The following RYR3 variants were observed in gnomAD, a reference collection of about 807,000 sequenced individuals.
The protein encoded by RYR3 is brain ryanodine receptor-calcium release channel.
In RYR3, 207 loss-of-function variants were observed where a neutral mutation model predicts 584.3. That is an observed-to-expected ratio of 0.35 (90% CI 0.32 to 0.40). The LOEUF is 0.40. Ranked by LOEUF, RYR3 falls within the 10% of genes least tolerant of loss-of-function variation. The probability of loss-of-function intolerance (pLI) is 1.00; values close to 1 mark genes in which losing one functional copy is unlikely to be tolerated. For synonymous variants in RYR3, 2,416 were observed against 2,248.5 expected (o/e 1.07, Z -2.11); for missense variants, 5,616 against 6,089.2 (o/e 0.92, Z 2.59).
intron 16 of RYR3, among the ~76,000 whole-genome samples, chr15:33,590,975 A>G (rs764345931): frequency 4.6e-5 from 7 of 152,184 alleles, no homozygotes; most frequent in Non-Finnish European, 1.0e-4. Context: ...GCATGATCAG[A>G]TTTGAGGTCA....
At chr15:33,570,053 G>A (rs564297601) in intron 12 of RYR3, among the ~76,000 whole-genome samples, 1 of 151,916 alleles carries the variant, frequency 6.6e-6, no homozygotes, top group East Asian at 1.9e-4. Context: ...TTTAAATGGT[G>A]TCTTTTGAAG....
At chr15:33,860,133 G>T (rs2080179916) in intron 100 of RYR3, among the ~76,000 whole-genome samples, 1 of 152,188 alleles carries the variant, frequency 6.6e-6, no homozygotes, top group Non-Finnish European at 1.5e-5. Context: ...TCAACAGCTT[G>T]TCAAGATTGG....
intron 62 of RYR3, 78 bp from the exon 63 acceptor site, chr15:33,771,842 T>C (rs1429754): frequency 1 from 969,888 of 970,146 alleles, 484,816 homozygotes; most frequent in Middle Eastern, 1. Flanking sequence ...TCTGCCCAGA[T>C]GACACTGCCA....
chr15:33,461,906 G>A (rs1177049810), intron 1 of RYR3, among the ~76,000 whole-genome samples: 1 of 152,208 alleles, frequency 6.6e-6, no homozygotes, highest in Non-Finnish European at 1.5e-5. Context: ...GAAGGTGGAT[G>A]CCATGCCTGC....
At chr15:33,628,635 T>G in intron 21 of RYR3, 60 bp downstream of exon 21, 3 of 1,044,438 alleles carry the variant, frequency 2.9e-6, no homozygotes, top group Non-Finnish European at 4.5e-6. Flanking sequence ...CCTGGAACTG[T>G]TCTTCCTGCT....
intron 19 of RYR3, among the ~76,000 whole-genome samples, chr15:33,618,305 G>A (rs908677054): frequency 3.3e-5 from 5 of 152,322 alleles, no homozygotes; most frequent in African/African-American, 1.2e-4. Context: ...CAAAGATGTT[G>A]TATTTGTGGT....
At chr15:33,854,707 T>C in intron 97 of RYR3, 59 bp from the exon 98 acceptor site, 1 of 1,542,156 alleles carries the variant, frequency 6.5e-7, no homozygotes, top group South Asian at 1.3e-5. Flanking sequence ...AAAAAATGTT[T>C]TATAATGAGC....
At chr15:33,819,454 T>G (rs901089468) in intron 76 of RYR3, among the ~76,000 whole-genome samples, 8 of 152,028 alleles carry the variant, frequency 5.3e-5, no homozygotes, top group Non-Finnish European at 1.5e-5. Flanking sequence ...GGCAGATCAC[T>G]TGAGGTCAGG....
chr15:33,690,561 A>G (rs1172321654), intron 38 of RYR3, among the ~76,000 whole-genome samples: 1 of 152,226 alleles, frequency 6.6e-6, no homozygotes, highest in Non-Finnish European at 1.5e-5. Context: ...AAACATGGAA[A>G]GCTTCCTCAT....
In RYR3 at chr15:33,738,473, G is replaced by C. The variant is rs767525734; in HGVS notation, c.7539G>C (p.Gln2513His). 1 of 1,613,744 alleles carries C rather than the reference G, an allele frequency of 6.2e-7. No homozygotes were observed. The highest frequency in any genetic ancestry group is 1.3e-5 in the African/African-American group (1 of 74,928). Residue 2513 changes from glutamine (Q) to histidine (H), a missense_variant, in exon 50 of 104, where the codon CAG becomes CAC. By Grantham distance (24) the Gln-to-His change is conservative. Coordinates refer to ENST00000634891, the MANE Select transcript of RYR3 (RefSeq NM_001036.6). ...PLKLLTNHYE[Q>H]CWKYYCLPSG... ...AGCTTCTGACGAATCACTATGAACA[G>C]TGTTGGAAGTATTACTGCCTGCCTT...
At chr15:33,558,366 A>C (rs12903555) in intron 10 of RYR3, among the ~76,000 whole-genome samples, 7 of 148,592 alleles carry the variant, frequency 4.7e-5, no homozygotes, top group Non-Finnish European at 1.0e-4. Context: ...TTGTCCTTGC[A>C]ATAGTTTGCT....
rs185960800 is a variant in RYR3 at position 33,731,756 on chromosome 15, T to C, written c.7424+62T>C. 345 of 1,177,444 alleles carry C rather than the reference T, an allele frequency of 2.9e-4. 1 individual carries two copies. Among genetic ancestry groups the C allele is most frequent in the Non-Finnish European group, 1.9e-4 (155 of 802,688 alleles). 72.9% of individuals were successfully genotyped at this position (1,177,444 alleles called of 1,614,324 possible). On this transcript the variant is annotated intron_variant, in intron 48 of 103. Transcript: ENST00000634891. Reference sequence around the variant, plus strand: ...CATCCAGGTCAACTGCATTTTCCTATGTAATCTAAAAACTGGTGGTCTAGT... The same window carrying C: ...CATCCAGGTCAACTGCATTTTCCTACGTAATCTAAAAACTGGTGGTCTAGT...
intron 1 of RYR3, among the ~76,000 whole-genome samples, chr15:33,356,175 G>C (rs145870484): frequency 6.6e-6 from 1 of 152,124 alleles, no homozygotes; most frequent in South Asian, 2.1e-4. Flanking sequence ...GAGAAGGTCC[G>C]TGTTAGTCTT....
Position 33,726,440 on chromosome 15 carries a change from C to T in RYR3, c.6967C>T (p.Leu2323=). The T allele has an allele frequency of 6.2e-7, 1 of 1,611,260 alleles. No homozygotes were observed. The highest frequency in any genetic ancestry group is 8.5e-7 in the Non-Finnish European group (1 of 1,178,752). The stretch of plus-strand genomic sequence containing the variant: ...CCGCATCAGGTCCATCCTGCGCTCC[C>T]TGGTCCCCACAGAAGACCTGGTTGG... The part of the protein sequence containing the change: ...AIRIRSILRS[L]VPTEDLVGII... The change falls in exon 46 of 104, where the codon CTG becomes TTG. Residue 2323 remains leucine, a synonymous_variant. Transcript: ENST00000634891.
intron 27 of RYR3, among the ~76,000 whole-genome samples, 196 bp from the exon 28 acceptor site, chr15:33,644,115 A>G (rs2061973357): frequency 6.6e-6 from 1 of 152,180 alleles, no homozygotes; most frequent in South Asian, 2.1e-4. Context: ...TTTCCTATGT[A>G]CCATGGGCAG....
chr15:33,857,923 C>A lies in RYR3; in HGVS notation c.14142+9C>A, dbSNP rs1158674603. 7.2e-7 allele frequency: 1 copy of A among 1,380,066 alleles called. No individual in the cohort carries two copies. Among genetic ancestry groups the A allele is most frequent in the African/African-American group, 3.6e-5 (1 of 27,454 alleles). The allele number at this position is 1,380,066 out of a possible 1,614,324, so 85.5% of individuals were successfully genotyped here. On this transcript the variant is annotated intron_variant, in intron 99 of 103. Transcript: ENST00000634891. ...GCGACGACATGATGACGGTGAGAGC[C>A]CACCCACTGCGGGGCCAGCCCACCC...
intron 1 of RYR3, among the ~76,000 whole-genome samples, chr15:33,457,418 A>C (rs1455498009): frequency 6.6e-6 from 1 of 152,256 alleles, no homozygotes; most frequent in Non-Finnish European, 1.5e-5. Flanking sequence ...AGCCATAAAG[A>C]ATAAAGTCCT....
intron 19 of RYR3, among the ~76,000 whole-genome samples, chr15:33,623,433 G>T (rs201589451): frequency 1.1e-5 from 1 of 90,432 alleles, no homozygotes; most frequent in Non-Finnish European, 2.8e-5. Context: ...TTATCACACT[G>T]TAATTTTTAT....
intron 1 of RYR3, among the ~76,000 whole-genome samples, chr15:33,464,154 G>A (rs966960316): frequency 4.6e-5 from 7 of 151,826 alleles, no homozygotes; most frequent in African/African-American, 1.7e-4. Context: ...ATTGTTAGGA[G>A]GTAAATACTA....
Sources: gnomAD v4.1 joint callset for allele counts (sites outside exome capture counted in the v4.1 genomes callset) on GRCh38, gnomAD v4.1.1 for gene constraint, MANE v1.5 for transcripts, NCBI Gene and HGNC (gene_info 2026-07-23, HGNC 2026-07-21) for gene names.